The following ZFPM2 variants were observed in gnomAD, a reference collection of about 807,000 sequenced individuals.
ZFPM2 encodes zinc finger protein, FOG family member 2, also known as zinc finger protein ZFPM2.
ZFPM2 carries 20 observed loss-of-function variants against 98.6 expected under a neutral mutation model. The observed-to-expected ratio is 0.20, with a 90% confidence interval of 0.14 to 0.29. The LOEUF (loss-of-function observed/expected upper bound fraction) is 0.29. Among genes scored for constraint, ZFPM2 ranks in the 10% least tolerant of loss-of-function variants. ZFPM2 has a pLI of 1.00. For synonymous variants in ZFPM2, 518 were observed against 502.7 expected (o/e 1.03, Z -0.41); for missense variants, 1,310 against 1,388.6 (o/e 0.94, Z 0.90).
rs936638996 is a variant in ZFPM2, at chr8:105,763,661, C to T, written c.533-25057C>T. Among the ~76,000 whole-genome samples, 4 of 151,778 alleles carry T rather than the reference C, an allele frequency of 2.6e-5. No individual in the cohort carries two copies. In the Admixed American group the frequency reaches 2.6e-4, roughly 10 times the overall value. ...TTTTCCAGATGAGGAAACTGTGTCTCAGAAGGATTAAGTAGATTGTCCAAG... is the reference window on the plus strand; with the variant it reads ...TTTTCCAGATGAGGAAACTGTGTCTTAGAAGGATTAAGTAGATTGTCCAAG... On this transcript the variant is annotated intron_variant, in intron 5 of 7. Transcript: ENST00000407775.
chr8:105,321,188 T>G (rs920296623), intron 1 of ZFPM2, among the ~76,000 whole-genome samples: 1 of 152,224 alleles, frequency 6.6e-6, no homozygotes, highest in Non-Finnish European at 1.5e-5. Context: ...TTAGTTGCAA[T>G]CTATTGACGT....
At chr8:105,574,724 G>A (rs775248638) in intron 4 of ZFPM2, among the ~76,000 whole-genome samples, 36 of 151,226 alleles carry the variant, frequency 2.4e-4, no homozygotes, top group Non-Finnish European at 4.7e-4. Context: ...TACCCTATGT[G>A]TAATAGTGTA....
intron 3 of ZFPM2, among the ~76,000 whole-genome samples, chr8:105,489,112 G>C (rs2130422988): frequency 6.6e-6 from 1 of 152,022 alleles, no homozygotes; most frequent in South Asian, 2.1e-4. Context: ...TCCCATGAAG[G>C]TATAATATAG....
At chr8:105,624,303 T>A (rs550366157) in intron 4 of ZFPM2, among the ~76,000 whole-genome samples, 1 of 152,302 alleles carries the variant, frequency 6.6e-6, no homozygotes, top group South Asian at 2.1e-4. Context: ...GCCCAGAAAT[T>A]CTGCCAGGAG....
intron 4 of ZFPM2, among the ~76,000 whole-genome samples, chr8:105,574,773 G>A (rs1261841954): frequency 6.6e-6 from 1 of 150,900 alleles, no homozygotes; most frequent in African/African-American, 2.4e-5. Flanking sequence ...GAGTCCCTCA[G>A]GTTCTGATCC....
intron 5 of ZFPM2, among the ~76,000 whole-genome samples, chr8:105,671,438 G>A (rs753608719): frequency 1.6e-4 from 24 of 151,050 alleles, no homozygotes; most frequent in African/African-American, 3.6e-4. Flanking sequence ...ACAACATCTC[G>A]TGTTGTTTTA....
chr8:105,480,819 C>T (rs1478050335), intron 3 of ZFPM2, among the ~76,000 whole-genome samples: 4 of 150,364 alleles, frequency 2.7e-5, no homozygotes, highest in African/African-American at 4.9e-5. Flanking sequence ...GGCAGGATCT[C>T]GGCTCACTGC....
intron 4 of ZFPM2, among the ~76,000 whole-genome samples, chr8:105,581,782 C>T (rs1815606232): frequency 6.6e-6 from 1 of 152,136 alleles, no homozygotes; most frequent in Admixed American, 6.5e-5. Context: ...TTCTCACCAC[C>T]TTGTTTTATC....
chr8:105,581,237 C>T (rs1815590940), intron 4 of ZFPM2, among the ~76,000 whole-genome samples: 2 of 151,778 alleles, frequency 1.3e-5, no homozygotes, highest in African/African-American at 4.8e-5. Flanking sequence ...TAGATACTTC[C>T]CTAGTCATTG....
chr8:105,421,917 G>A (rs1457088170), intron 2 of ZFPM2, among the ~76,000 whole-genome samples: 2 of 151,462 alleles, frequency 1.3e-5, no homozygotes, highest in African/African-American at 2.4e-5. Flanking sequence ...TGTGGTGGTG[G>A]GTGCCTATAA....
At chr8:105,441,503 C>CAAAAGAAAGAAAG (rs1334822737) in intron 2 of ZFPM2, among the ~76,000 whole-genome samples, 2 of 53,344 alleles carry the variant, frequency 3.7e-5, no homozygotes, top group African/African-American at 6.3e-5. Flanking sequence ...AGAAAGAAAT[C>CAAAAGAAAGAAAG]AAAGCCCAGG....
chr8:105,643,623 C>A (rs900833709), intron 5 of ZFPM2, among the ~76,000 whole-genome samples: 1 of 152,022 alleles, frequency 6.6e-6, no homozygotes, highest in East Asian at 1.9e-4. Context: ...CCAACAACAA[C>A]AAAAAATCAA....
chr8:105,661,787 T>C (rs969623524), intron 5 of ZFPM2, among the ~76,000 whole-genome samples: 36 of 152,046 alleles, frequency 2.4e-4, no homozygotes, highest in African/African-American at 8.7e-4. Flanking sequence ...TGAGGCAAGG[T>C]TTCAAGCTTT....
At chr8:105,394,047 C>G (rs1262618247) in intron 1 of ZFPM2, among the ~76,000 whole-genome samples, 2 of 151,978 alleles carry the variant, frequency 1.3e-5, no homozygotes, top group Non-Finnish European at 2.9e-5. Context: ...GCGCCTGCCA[C>G]CATGCCCGGC....
At chr8:105,366,385 T>C (rs1240268334) in intron 1 of ZFPM2, among the ~76,000 whole-genome samples, 1 of 152,188 alleles carries the variant, frequency 6.6e-6, no homozygotes, top group East Asian at 1.9e-4. Flanking sequence ...TTTTTACTTT[T>C]TTAACAAATG....
chr8:105,330,619 T>TATACAC (rs71305143), intron 1 of ZFPM2, among the ~76,000 whole-genome samples: 20,093 of 87,996 alleles, frequency 0.23, 2,649 homozygotes, highest in East Asian at 0.52. Flanking sequence ...TACACATATA[T>TATACAC]ATATATATAT....
intron 5 of ZFPM2, chr8:105,787,698 A>G (rs1481855703): frequency 2.6e-5 from 4 of 152,200 alleles, no homozygotes; most frequent in African/African-American, 9.7e-5. Flanking sequence ...TGGCTGCTTA[A>G]TGAGTGCAAT....
chr8:105,801,323 T>C lies in ZFPM2; in HGVS notation c.1241T>C (p.Leu414Ser). The C allele has an allele frequency of 6.2e-7, 1 of 1,613,838 alleles. No homozygotes were observed. Among genetic ancestry groups the C allele is most frequent in the Non-Finnish European group, 8.5e-7 (1 of 1,179,850 alleles). ...TEDSLQPATDLLTRSELPQSQ... is the reference protein window; with the variant it reads ...TEDSLQPATDSLTRSELPQSQ... ...GACAGCTTACAGCCAGCCACAGACTTATTGACCAGAAGCGAACTTCCCCAG... is the reference window on the plus strand; with the variant it reads ...GACAGCTTACAGCCAGCCACAGACTCATTGACCAGAAGCGAACTTCCCCAG... Residue 414 changes from leucine to serine, a missense_variant, in exon 8 of 8, where the codon TTA becomes TCA. By Grantham distance (145) the Leu-to-Ser change is moderately radical. Coordinates refer to ENST00000407775, the MANE Select transcript of ZFPM2 (RefSeq NM_012082.4).
intron 5 of ZFPM2, among the ~76,000 whole-genome samples, chr8:105,767,772 A>T (rs1812888131): frequency 6.6e-6 from 1 of 151,940 alleles, no homozygotes; most frequent in Non-Finnish European, 1.5e-5. Context: ...GCTTTTTGAT[A>T]TCTTAAACTT....
Sources: gnomAD v4.1 joint callset for allele counts (sites outside exome capture counted in the v4.1 genomes callset) on GRCh38, gnomAD v4.1.1 for gene constraint, MANE v1.5 for transcripts, NCBI Gene and HGNC (gene_info 2026-07-23, HGNC 2026-07-21) for gene names.